The following MASP1 variants were observed in gnomAD, a reference collection of about 807,000 sequenced individuals.
The protein encoded by MASP1 is MBL associated serine protease 1, also known as mannan-binding lectin serine protease 1.
Under a neutral mutation model 77.1 loss-of-function variants are expected in MASP1, and 59 were observed. The ratio of observed to expected loss-of-function variants is 0.77; its 90% CI spans 0.62 to 0.95. The LOEUF is 0.95. MASP1 is among the 40% of genes least tolerant of loss of function. The probability of loss-of-function intolerance (pLI) is 0.00; values close to 1 mark genes in which losing one functional copy is unlikely to be tolerated. For missense variants in MASP1, 885 were observed against 912.9 expected (o/e 0.97, Z 0.39); for synonymous variants, 362 against 354.5 (o/e 1.02, Z -0.24).
intron 2 of MASP1, among the ~76,000 whole-genome samples, chr3:187,268,346 G>A (rs931257399): frequency 6.6e-6 from 1 of 152,060 alleles, no homozygotes; most frequent in Non-Finnish European, 1.5e-5. Flanking sequence ...GCCAGGTGTG[G>A]TGGTGCGGCA....
downstream of MASP1, among the ~76,000 whole-genome samples, chr3:187,231,489 C>T (rs1712763792): frequency 6.6e-6 from 1 of 152,202 alleles, no homozygotes; most frequent in African/African-American, 2.4e-5. Flanking sequence ...CCATGTACTG[C>T]ACAAACTTGG....
At chr3:187,241,384 C>T in intron 10 of MASP1, 97 bp downstream of exon 10, 2 of 940,592 alleles carry the variant, frequency 2.1e-6, no homozygotes, top group South Asian at 2.6e-5. Flanking sequence ...AGCATCACCT[C>T]CCCTGTCCCC....
At chr3:187,236,760 G>T (rs913731776) in intron 10 of MASP1, among the ~76,000 whole-genome samples, 193 bp from the exon 11 acceptor site, 2 of 152,152 alleles carry the variant, frequency 1.3e-5, no homozygotes, top group African/African-American at 4.8e-5. Flanking sequence ...TCTCTAGGCT[G>T]GCCCATCTCT....
chr3:187,288,581 T>C (rs933502469), intron 1 of MASP1, among the ~76,000 whole-genome samples: 1 of 152,256 alleles, frequency 6.6e-6, no homozygotes, highest in Admixed American at 6.5e-5. Context: ...TTGTTAACTG[T>C]CCAGCCCTAG....
chr3:187,251,874 A>T (rs756524444), intron 6 of MASP1, 122 bp from the exon 7 acceptor site: 57 of 790,240 alleles, frequency 7.2e-5, no homozygotes, highest in Non-Finnish European at 1.2e-4. Flanking sequence ...TATTGGAGGC[A>T]TGGATCTTCC....
rs561238599 is a variant in MASP1, at chr3:187,219,919, G to C, written c.*152C>G. On this transcript the variant is annotated 3_prime_UTR_variant, in exon 16 of 16. Coordinates refer to the MASP1 transcript ENST00000337774. ...CCATCTCTTTAAAGAGAGTGAAAAG[G>C]GGGTGAAGATACCTGCTCTATTGCC... 132 of 750,516 alleles carry C rather than the reference G, an allele frequency of 1.8e-4. No homozygotes were observed. The African/African-American group carries it at 1.9e-3, about 11-fold the overall frequency. The allele number at this position is 750,516 out of a possible 1,614,324, so 46.5% of individuals were successfully genotyped here.
intron 2 of MASP1, among the ~76,000 whole-genome samples, chr3:187,264,053 G>A (rs1376611237): frequency 1.3e-5 from 2 of 152,142 alleles, no homozygotes; most frequent in East Asian, 1.9e-4. Flanking sequence ...TCTCAAAGGC[G>A]GCTATCTCTA....
intron 2 of MASP1, among the ~76,000 whole-genome samples, chr3:187,271,688 G>A (rs189672137): frequency 1.0e-3 from 156 of 152,226 alleles, no homozygotes; most frequent in Admixed American, 3.3e-3. Flanking sequence ...AGAAACTTGA[G>A]CTCAAAGCTG....
Position 187,224,369 on chromosome 3 carries a change from C to T in MASP1, c.1741+955G>A, listed in dbSNP as rs529477500. Among the ~76,000 whole-genome samples, 112 of 116,650 alleles carry T rather than the reference C, an allele frequency of 9.6e-4. 3 individuals carry two copies. In the South Asian group the frequency reaches 0.027, roughly 28 times the overall value. 76.5% of individuals were successfully genotyped at this position (116,650 alleles called of 152,430 possible). On this transcript the variant is annotated intron_variant, in intron 13 of 15. Coordinates refer to the MASP1 transcript ENST00000337774. ...TTTTTTTTTTTTTTTTTTTTTGAGA[C>T]GGAGTCTCGCTCTGTCGCCCAGGCT...
At chr3:187,267,283 A>C (rs1716117251) in intron 2 of MASP1, among the ~76,000 whole-genome samples, 2 of 152,182 alleles carry the variant, frequency 1.3e-5, no homozygotes, top group Non-Finnish European at 2.9e-5. Flanking sequence ...TTTGTTTGTC[A>C]ATGTTCCCGA....
rs370359143 is a variant in MASP1, at chr3:187,256,627, C to T, written c.744+37G>A. The T allele has an allele frequency of 6.0e-5, 97 of 1,608,408 alleles. No homozygotes were observed. The African/African-American group carries it at 1.1e-3, about 19-fold the overall frequency. ...ATTTTCCCAACTCAGCCAAGATTTT[C>T]CAGCATCTCCAGGACAAGTGTTCAT... On this transcript the variant is annotated intron_variant, in intron 5 of 10. Transcript: ENST00000296280.
At chr3:187,248,110 G>T (rs1457786818) in intron 8 of MASP1, among the ~76,000 whole-genome samples, 1 of 152,176 alleles carries the variant, frequency 6.6e-6, no homozygotes, top group Admixed American at 6.5e-5. Context: ...AAGATGCTGG[G>T]TATGACTGAA....
chr3:187,243,339 G>A, intron 9 of MASP1, 145 bp downstream of exon 9: 1 of 817,014 alleles, frequency 1.2e-6, no homozygotes, highest in Non-Finnish European at 2.1e-6. Context: ...GAGAACCTGA[G>A]ATGTGTGAGT....
chr3:187,217,503 A>G (rs1411857927), exon 16 of MASP1: 4 of 152,244 alleles, frequency 2.6e-5, no homozygotes, highest in Admixed American at 2.6e-4. Context: ...ACATTTTCTT[A>G]CTTATTTTTT....
chr3:187,259,096 C>A (rs946578800), intron 4 of MASP1, among the ~76,000 whole-genome samples: 1 of 152,154 alleles, frequency 6.6e-6, no homozygotes. Context: ...AATCCACTGT[C>A]CTGGGAACCC....
chr3:187,268,297 C>CA (rs918247365), intron 2 of MASP1, among the ~76,000 whole-genome samples: 2 of 152,024 alleles, frequency 1.3e-5, no homozygotes, highest in African/African-American at 4.8e-5. Flanking sequence ...GCCTGGGCAT[C>CA]ATAGCAAGAC....
At chr3:187,277,577 A>G (rs985460981) in intron 2 of MASP1, among the ~76,000 whole-genome samples, 1 of 152,234 alleles carries the variant, frequency 6.6e-6, no homozygotes, top group African/African-American at 2.4e-5. Context: ...ATGCATGGCC[A>G]GGAAACACAA....
chr3:187,251,769 G>A lies in MASP1; in HGVS notation c.893-17C>T, dbSNP rs200754097. The A allele has an allele frequency of 7.4e-5, 118 of 1,585,588 alleles. No individual in the cohort carries two copies. The African/African-American group carries it at 9.0e-4, about 12-fold the overall frequency. On this transcript the variant is annotated splice_polypyrimidine_tract_variant and intron_variant, in intron 6 of 10. Coordinates refer to ENST00000296280, the MANE Select transcript of MASP1 (RefSeq NM_139125.4). ...ACTCATTTCCTGGTGAGGAGCAAAT[G>A]AAAGAACAGCAGGTGAGAAAAGAGA...
At chr3:187,282,739 C>G (rs533529674) in intron 2 of MASP1, among the ~76,000 whole-genome samples, 1 of 152,248 alleles carries the variant, frequency 6.6e-6, no homozygotes, top group South Asian at 2.1e-4. Context: ...TGCTGGTGCC[C>G]CACGGCTGTT....
Sources: gnomAD v4.1 joint callset for allele counts (sites outside exome capture counted in the v4.1 genomes callset) on GRCh38, gnomAD v4.1.1 for gene constraint, MANE v1.5 for transcripts, NCBI Gene and HGNC (gene_info 2026-07-23, HGNC 2026-07-21) for gene names.